Variants in RAB11FIP3 observed in about 807,000 individuals in gnomAD.
The protein encoded by RAB11FIP3 is rab11 family-interacting protein 3.
RAB11FIP3 carries 17 observed loss-of-function variants against 77.8 expected under a neutral mutation model. That is an observed-to-expected ratio of 0.22 (90% CI 0.15 to 0.33). RAB11FIP3 has a LOEUF of 0.33. RAB11FIP3 is among the 10% of genes least tolerant of loss of function. The probability of loss-of-function intolerance (pLI) is 1.00; values close to 1 mark genes in which losing one functional copy is unlikely to be tolerated. For missense variants in RAB11FIP3, 1,005 were observed against 1,011.2 expected, an observed-to-expected ratio of 0.99 and a Z score of 0.08; for synonymous variants, 437 against 448.2, an observed-to-expected ratio of 0.98 and a Z score of 0.31.
chr16:468,600 A>T (rs529430028), intron 2 of RAB11FIP3, among the ~76,000 whole-genome samples: 6 of 152,198 alleles, frequency 3.9e-5, no homozygotes, highest in African/African-American at 1.4e-4. Context: ...TGCGTCGAGG[A>T]GTGACCAGCA....
rs2141683044 is a variant in RAB11FIP3 at position 471,299 on chromosome 16, T to C, written c.813T>C (p.Pro271=). 7.4e-6 allele frequency: 12 copies of C among 1,613,642 alleles called. No homozygotes were observed. The South Asian group carries it at 1.3e-4, about 18-fold the overall frequency. The change falls in exon 3 of 14, where the codon CCT becomes CCC. Residue 271 remains proline, a synonymous_variant. Coordinates refer to ENST00000262305, the MANE Select transcript of RAB11FIP3 (RefSeq NM_014700.4). This position sits in a 1 kb window ranked among gnomAD's most constrained non-coding sequence, Gnocchi z 4.4. ...CACGAGGTCTTCTCCCTGCAGATCC[T>C]GATGGCCAGTGCTACGGTGGTGTCG... ...QGITAIRNGD[P]DGQCYGGVAS...
intron 5 of RAB11FIP3, among the ~76,000 whole-genome samples, chr16:493,961 T>C (rs1324412186): frequency 7.2e-6 from 1 of 139,824 alleles, no homozygotes; most frequent in Admixed American, 7.3e-5. Flanking sequence ...TGGAGTGCGG[T>C]GGTGCGATCT....
intron 3 of RAB11FIP3, among the ~76,000 whole-genome samples, chr16:481,598 G>T (rs1270192949): frequency 2.9e-5 from 4 of 137,138 alleles, no homozygotes; most frequent in African/African-American, 1.1e-4. Context: ...CACCACACCT[G>T]GGCAAGCTCC....
chr16:482,521 C>G lies in RAB11FIP3; in HGVS notation c.904-4C>G, dbSNP rs777288414. On this transcript the variant is annotated splice_region_variant and splice_polypyrimidine_tract_variant and intron_variant, in intron 3 of 13. Coordinates refer to ENST00000262305, the MANE Select transcript of RAB11FIP3 (RefSeq NM_014700.4). The stretch of plus-strand genomic sequence containing the variant: ...CCGCTGACTGCTGGCGCACTCTCTC[C>G]TAGGCCAACGAGGTGACGGACAGCG... 8.1e-6 allele frequency: 13 copies of G among 1,613,294 alleles called. No homozygotes were observed.
At chr16:512,159 C>T (rs1402350050) in intron 9 of RAB11FIP3, among the ~76,000 whole-genome samples, 8 of 152,018 alleles carry the variant, frequency 5.3e-5, no homozygotes, top group South Asian at 4.1e-4. Flanking sequence ...CTGACCCTGA[C>T]GCTGTGCGGG....
intron 3 of RAB11FIP3, chr16:477,635 G>A (rs2055945039): frequency 1.0e-6 from 1 of 985,490 alleles, no homozygotes; most frequent in Non-Finnish European, 1.2e-6. Context: ...CGTCCTGCAG[G>A]AGTGGGAGCT....
intron 8 of RAB11FIP3, among the ~76,000 whole-genome samples, chr16:509,962 G>A (rs896728974): frequency 7.9e-5 from 12 of 152,240 alleles, no homozygotes; most frequent in African/African-American, 2.7e-4. Flanking sequence ...CGCGGACCAC[G>A]TGCTCATCAG....
At chr16:492,433 GACCCGAGGCCGCCCAGGGC>G (rs1319260883) in intron 5 of RAB11FIP3, among the ~76,000 whole-genome samples, 11 of 141,616 alleles carry the variant, frequency 7.8e-5, no homozygotes, top group African/African-American at 2.9e-4. Flanking sequence ...CTCCCCGGGA[GACCCGAGGCCGCCCAGGGC>G]CCTTCCCGGG....
At chr16:497,341 T>C (rs1406022100) in intron 6 of RAB11FIP3, 2 of 1,303,864 alleles carry the variant, frequency 1.5e-6, no homozygotes, top group Admixed American at 4.6e-5. Context: ...CAACATACAC[T>C]TTTATCTTCC....
In RAB11FIP3 at chr16:472,199, GGAGCCATGGTATTATACTCA is replaced by G. The variant is rs1483234181; in HGVS notation, c.903+812_903+831del. 6.6e-6 allele frequency among the ~76,000 whole-genome samples: 1 copy of G among 152,184 alleles called. No homozygotes were observed. Among genetic ancestry groups the G allele is most frequent in the African/African-American group, 2.4e-5 (1 of 41,446 alleles). Reference sequence around the variant, plus strand: ...TGCTTTTGGACGCCACTGTACCGTGGGAGCCATGGTATTATACTCAGTTCCCTGTTCCGAGAAGCTGCCCC... The same window carrying G: ...TGCTTTTGGACGCCACTGTACCGTGGGTTCCCTGTTCCGAGAAGCTGCCCC... On this transcript the variant is annotated intron_variant, in intron 3 of 13. Transcript: ENST00000262305. This position sits in a 1 kb window ranked among gnomAD's most constrained non-coding sequence, Gnocchi z 4.1.
At chr16:497,947 A>C (rs2031263590) in intron 6 of RAB11FIP3, among the ~76,000 whole-genome samples, 1 of 151,518 alleles carries the variant, frequency 6.6e-6, no homozygotes, top group South Asian at 2.1e-4. Context: ...TACAAAAAAA[A>C]AAAAAAAATT....
intron 1 of RAB11FIP3, among the ~76,000 whole-genome samples, chr16:456,421 CAGAG>C (rs939408675): frequency 1.4e-5 from 2 of 146,460 alleles, no homozygotes; most frequent in Admixed American, 7.0e-5. Flanking sequence ...GCCTGAGTGA[CAGAG>C]TGAGACCCTG....
chr16:517,457 A>C (rs949420278), intron 9 of RAB11FIP3, among the ~76,000 whole-genome samples: 1 of 152,112 alleles, frequency 6.6e-6, no homozygotes, highest in Non-Finnish European at 1.5e-5. Flanking sequence ...ACTCCCAGCT[A>C]CTTGGGAGGC....
At chr16:432,462 C>T (rs1177768769) in intron 1 of RAB11FIP3, among the ~76,000 whole-genome samples, 4 of 151,956 alleles carry the variant, frequency 2.6e-5, no homozygotes, top group Admixed American at 6.6e-5. Flanking sequence ...TCCCCCCATC[C>T]ATTAATATCA....
At position 519,754 on chromosome 16, in the gene RAB11FIP3, G is replaced by C. The variant is rs139080033; in HGVS notation, c.1723G>C (p.Glu575Gln). The C allele has an allele frequency of 8.9e-4, 1,439 of 1,612,572 alleles. 3 individuals are homozygous for C. The highest frequency in any genetic ancestry group is 8.3e-4 in the Non-Finnish European group (976 of 1,179,610). Residue 575 changes from glutamate to glutamine, a missense_variant and splice_region_variant, in exon 11 of 14, where the codon GAG (glutamate) becomes CAG (glutamine). By Grantham distance (29) the Glu-to-Gln change is conservative (BLOSUM62 2). Around this residue, in one of 4 missense-constraint regions of RAB11FIP3, gnomAD observed 433 missense variants for 436.1 expected, o/e 0.99. Coordinates refer to ENST00000262305, the MANE Select transcript of RAB11FIP3 (RefSeq NM_014700.4). ...CCAGGGCAGGTGTCCACCCCTGCAG[G>C]AGAAGCAGAAGCTGTTGGATGAGAT... ...LKANIERLEE[E>Q]KQKLLDEIES...
intron 1 of RAB11FIP3, among the ~76,000 whole-genome samples, chr16:459,431 CT>C (rs56705738): frequency 0.1 from 12,281 of 117,410 alleles, 615 homozygotes; most frequent in East Asian, 0.2. Flanking sequence ...CAGCTTCAAA[CT>C]TTTTTTTTTT....
chr16:444,236 G>A (rs998503618), intron 1 of RAB11FIP3, among the ~76,000 whole-genome samples: 3 of 152,070 alleles, frequency 2.0e-5, no homozygotes, highest in Non-Finnish European at 4.4e-5. Context: ...ATCAGTCTGC[G>A]TCATTCAGTA....
chr16:443,785 A>G (rs561653272), intron 1 of RAB11FIP3, among the ~76,000 whole-genome samples: 2 of 152,174 alleles, frequency 1.3e-5, no homozygotes, highest in Non-Finnish European at 2.9e-5. Context: ...AGGATGATCT[A>G]GATCTCCTGA....
chr16:468,268 A>G (rs146198012), intron 2 of RAB11FIP3, among the ~76,000 whole-genome samples: 809 of 6,008 alleles, frequency 0.13, 6 homozygotes, highest in Non-Finnish European at 0.15. Flanking sequence ...AGGTGCAGGG[A>G]AGTCAGGGAG....
Sources: gnomAD v4.1 joint callset for allele counts (sites outside exome capture counted in the v4.1 genomes callset) on GRCh38, gnomAD v4.1.1 for gene constraint, gnomAD v4.1.1 regional missense constraint, Gnocchi (gnomAD v3.1) non-coding constraint, MANE v1.5 for transcripts, NCBI Gene and HGNC (gene_info 2026-07-23, HGNC 2026-07-21) for gene names.